The following PDE4DIP variants were observed in gnomAD, a reference collection of about 807,000 sequenced individuals.
PDE4DIP encodes phosphodiesterase 4D interacting protein.
A neutral mutation model predicts 221.4 loss-of-function variants in PDE4DIP; 59 were observed. The observed-to-expected ratio is 0.27, with a 90% CI of 0.22 to 0.33. The LOEUF (loss-of-function observed/expected upper bound fraction) is 0.33, where lower values mean the gene tolerates loss of function less well. Ranked by LOEUF, PDE4DIP falls within the 10% of genes least tolerant of loss-of-function variation. The pLI is 1.00. For missense variants in PDE4DIP, 1,036 were observed against 2,154.2 expected (o/e 0.48, Z 10.28); for synonymous variants, 404 against 815.9 (o/e 0.50, Z 8.60).
chr1:148,995,878 A>T (rs1291298862), intron 22 of PDE4DIP, among the ~76,000 whole-genome samples: 2 of 149,564 alleles, frequency 1.3e-5, no homozygotes, highest in Admixed American at 1.3e-4. Context: ...TAAAATAAAA[A>T]AATAAAAAAT....
In PDE4DIP at chr1:148,924,824, T is replaced by C. The variant is rs1389005587; in HGVS notation, c.142-4373T>C. On this transcript the variant is annotated intron_variant, in intron 1 of 43. Transcript: ENST00000369354. ...AAGCAAATGCAGTTAATTTGGAATC[T>C]ACTGATGCTATAAAAGAATTTAACA... 2.4e-4 allele frequency among the ~76,000 whole-genome samples: 37 copies of C among 151,544 alleles called. No homozygotes were observed. In the East Asian group the frequency reaches 3.6e-3, roughly 15 times the overall value.
chr1:148,958,076 CAT>C (rs1464712046), intron 5 of PDE4DIP, among the ~76,000 whole-genome samples: 12 of 144,416 alleles, frequency 8.3e-5, no homozygotes, highest in Non-Finnish European at 1.8e-4. Context: ...CATGGTGTGA[CAT>C]AGTTCATATT....
At chr1:148,980,870 C>T (rs1162372652) in intron 20 of PDE4DIP, among the ~76,000 whole-genome samples, 1 of 152,198 alleles carries the variant, frequency 6.6e-6, no homozygotes, top group Non-Finnish European at 1.5e-5. Flanking sequence ...CAAATATCTT[C>T]AGTAGTGGTT....
At chr1:148,984,765 C>T (rs1474620482) in intron 21 of PDE4DIP, 4 of 152,080 alleles carry the variant, frequency 2.6e-5, no homozygotes, top group African/African-American at 7.2e-5. Context: ...AAGTCACTTT[C>T]CTTTGGACTG....
At chr1:148,933,280 A>G (rs2258061) in intron 4 of PDE4DIP, among the ~76,000 whole-genome samples, 3,556 of 89,766 alleles carry the variant, frequency 0.04, no homozygotes, top group East Asian at 0.064. Flanking sequence ...AGGGAAAGGA[A>G]TATTTCAAGA....
At chr1:148,923,845 G>A (rs1208850356) in intron 1 of PDE4DIP, among the ~76,000 whole-genome samples, 1 of 146,078 alleles carries the variant, frequency 6.8e-6, no homozygotes, top group Non-Finnish European at 1.5e-5. Flanking sequence ...CAAACTTTGA[G>A]GTAATTTTTG....
chr1:148,915,134 T>TTTG (rs2043655608), intron 1 of PDE4DIP, among the ~76,000 whole-genome samples: 2 of 149,988 alleles, frequency 1.3e-5, no homozygotes, highest in African/African-American at 2.5e-5. Context: ...CTTCTGGTTT[T>TTTG]TTTGTTTGTT....
chr1:148,960,171 A>G (rs1422285622), intron 5 of PDE4DIP, among the ~76,000 whole-genome samples: 6 of 152,308 alleles, frequency 3.9e-5, no homozygotes, highest in African/African-American at 1.4e-4. Flanking sequence ...CTGTTACCTA[A>G]TATATAGTCC....
At chr1:148,918,657 A>C (rs1156864238) in intron 1 of PDE4DIP, among the ~76,000 whole-genome samples, 26 of 106,996 alleles carry the variant, frequency 2.4e-4, no homozygotes, top group Middle Eastern at 4.6e-3. Flanking sequence ...ACACACACAC[A>C]CCCTAGCTGT....
chr1:148,995,182 TAGGG>T (rs2063919273), intron 22 of PDE4DIP, among the ~76,000 whole-genome samples: 1 of 146,500 alleles, frequency 6.8e-6, no homozygotes, highest in Non-Finnish European at 1.5e-5. Flanking sequence ...TACTGGATCA[TAGGG>T]TAGATTCTAT....
exon 44 of PDE4DIP, chr1:149,032,382 G>A (rs587775121): frequency 1.3e-4 from 66 of 490,708 alleles, no homozygotes; most frequent in African/African-American, 1.1e-3. Flanking sequence ...CCCTGATTCC[G>A]ATGAAAGGGG....
intron 1 of PDE4DIP, among the ~76,000 whole-genome samples, chr1:148,920,135 T>TTATG (rs1369348069): frequency 6.7e-6 from 1 of 148,892 alleles, no homozygotes; most frequent in East Asian, 1.9e-4. Context: ...TTTTTGGTTT[T>TTATG]TATTTATTTA....
rs1208702470 is a variant in PDE4DIP at position 149,019,956 on chromosome 1, G to T, written c.5771-191G>T. Among the ~76,000 whole-genome samples the T allele has an allele frequency of 2.0e-5, 3 of 152,124 alleles. No individual in the cohort carries two copies. In the South Asian group the frequency reaches 6.2e-4, roughly 32 times the overall value. On this transcript the variant is annotated intron_variant, in intron 35 of 43. Transcript: ENST00000369354. ...ACAGATTAAATAAGTGGCATGAAGG[G>T]TTTTGCAAAGAGAGAGAGGCACCAT... is the stretch of plus-strand genomic sequence containing the variant.
intron 5 of PDE4DIP, among the ~76,000 whole-genome samples, chr1:148,956,366 C>G (rs113887601): frequency 1.3e-5 from 2 of 151,932 alleles, no homozygotes; most frequent in Non-Finnish European, 1.5e-5. Context: ...ATTGCTTTTC[C>G]TCTTTTTTTT....
Position 149,030,726 on chromosome 1 carries a change from C to T in PDE4DIP, c.6999+448C>T, listed in dbSNP as rs1244556610. 3.7e-5 allele frequency: 36 copies of T among 985,008 alleles called. No individual in the cohort carries two copies. The South Asian group carries it at 1.2e-3, about 32-fold the overall frequency. 61.0% of individuals were successfully genotyped at this position (985,008 alleles called of 1,614,324 possible). On this transcript the variant is annotated intron_variant, in intron 43 of 43. Coordinates refer to ENST00000369354, the Ensembl canonical transcript of PDE4DIP. ...ATAAACTGATTTCACTGCACATTCC[C>T]GGGTTAAGAACAGCAATTTGATTTT...
At position 149,012,796 on chromosome 1, in the gene PDE4DIP, T is replaced by C. The variant is rs368370644; in HGVS notation, c.5266+20T>C. The stretch of plus-strand genomic sequence containing the variant: ...GAGAAAGTGAGCACTTCTGCATTTG[T>C]GTGCTTGCGATTGGCAGCCCCACAC... On this transcript the variant is annotated intron_variant, in intron 32 of 43. Coordinates refer to ENST00000369354, the Ensembl canonical transcript of PDE4DIP. 1 of 1,509,992 alleles carries C rather than the reference T, an allele frequency of 6.6e-7. No homozygotes were observed. The highest frequency in any genetic ancestry group is 1.2e-5 in the South Asian group (1 of 81,780). The allele number at this position is 1,509,992 out of a possible 1,614,324, so 93.5% of individuals were successfully genotyped here.
rs1316157384 is a variant in PDE4DIP, at chr1:148,864,307, TA to T, written c.289+1003del. Among the ~76,000 whole-genome samples, 16 of 136,536 alleles carry T rather than the reference TA, an allele frequency of 1.2e-4. 2 individuals are homozygous for T. The highest frequency in any genetic ancestry group is 4.9e-4 in the African/African-American group (16 of 32,928). 89.6% of individuals were successfully genotyped at this position (136,536 alleles called of 152,430 possible). A position where few individuals can be genotyped will look rare whatever the true frequency, so the allele number is the denominator to read the frequency against. On this transcript the variant is annotated intron_variant, in intron 2 of 45. Coordinates refer to the PDE4DIP transcript ENST00000524974. ...GGGTATAATGATAATGTTAATCTCATAGGTGAGATTGAGAAAAGCTTTTAGT... is the reference window on the plus strand; with the variant it reads ...GGGTATAATGATAATGTTAATCTCATGGTGAGATTGAGAAAAGCTTTTAGT...
intron 1 of PDE4DIP, among the ~76,000 whole-genome samples, chr1:148,901,923 A>G (rs1553447245): frequency 8.4e-6 from 1 of 118,892 alleles, no homozygotes. Flanking sequence ...AGTCTTGCCC[A>G]CTGTGAACTC....
Position 149,028,832 on chromosome 1 carries a change from T to C in PDE4DIP, c.6813+129T>C, listed in dbSNP as rs587769621. On this transcript the variant is annotated intron_variant, in intron 41 of 43. Coordinates refer to ENST00000369354, the Ensembl canonical transcript of PDE4DIP. Reference sequence around the variant, plus strand: ...ATAGTGAGTTGGGATAGACAGGAACTTAGAGGAGTGTCCCTGGAGGGACAT... The same window carrying C: ...ATAGTGAGTTGGGATAGACAGGAACCTAGAGGAGTGTCCCTGGAGGGACAT... 107 of 632,012 alleles carry C rather than the reference T, an allele frequency of 1.7e-4. 1 individual carries two copies. Among genetic ancestry groups the C allele is most frequent in the Middle Eastern group, 4.3e-4 (1 of 2,318 alleles). The allele number at this position is 632,012 out of a possible 1,614,324, so 39.2% of individuals were successfully genotyped here.
Sources: gnomAD v4.1 joint callset for allele counts (sites outside exome capture counted in the v4.1 genomes callset) on GRCh38, gnomAD v4.1.1 for gene constraint, MANE v1.5 for transcripts, NCBI Gene and HGNC (gene_info 2026-07-23, HGNC 2026-07-21) for gene names.